Variants in CACNA1C observed in about 807,000 individuals in gnomAD.
CACNA1C encodes the protein calcium voltage-gated channel subunit alpha1 C, also known as voltage-dependent L-type calcium channel subunit alpha-1C.
In CACNA1C, 30 loss-of-function variants were observed where a neutral mutation model predicts 229.0. The observed-to-expected ratio is 0.13, with a 90% confidence interval of 0.10 to 0.18. The LOEUF is 0.18. Among genes scored for constraint, CACNA1C ranks in the 10% least tolerant of loss-of-function variants. The pLI is 1.00. For missense variants in CACNA1C, 1,658 were observed against 2,845.0 expected (o/e 0.58, Z 9.49); for synonymous variants, 1,114 against 1,132.5 (o/e 0.98, Z 0.33).
rs2076336777 is a variant in CACNA1C at position 2,608,706 on chromosome 12, G to A, written c.3552G>A (p.Lys1184=). 6.2e-7 allele frequency: 1 copy of A among 1,613,970 alleles called. No homozygotes were observed. The highest frequency in any genetic ancestry group is 8.5e-7 in the Non-Finnish European group (1 of 1,179,990). The change falls in exon 27 of 47, where the codon AAG becomes AAA. Residue 1184 remains lysine, a synonymous_variant. Transcript: ENST00000399655. This position sits in a 1 kb window ranked among gnomAD's most constrained non-coding sequence, Gnocchi z 4.2. ...AGTACAAGAACTGTGAGCTGGACAA[G>A]AACCAGGTAGCTTCCTAGGAAGGAG... The part of the protein sequence containing the change: ...EQEYKNCELD[K]NQRQCVEYAL...
intron 5 of CACNA1C, among the ~76,000 whole-genome samples, chr12:2,462,278 T>TGCGCACC: frequency 1.2e-5 from 1 of 83,718 alleles, no homozygotes; most frequent in Non-Finnish European, 2.7e-5. Flanking sequence ...GCCTGCACAC[T>TGCGCACC]TCCTCGGCAC....
At chr12:1,983,730 C>T (rs2036823156) in intron 1 of CACNA1C, among the ~76,000 whole-genome samples, 1 of 151,982 alleles carries the variant, frequency 6.6e-6, no homozygotes, top group Admixed American at 6.5e-5. Flanking sequence ...TAAATGACAG[C>T]TGTGTTTAGT....
At chr12:2,021,222 T>A (rs2046386418) in intron 1 of CACNA1C, among the ~76,000 whole-genome samples, 1 of 152,164 alleles carries the variant, frequency 6.6e-6, no homozygotes, top group Non-Finnish European at 1.5e-5. Context: ...ATCTTACAGT[T>A]GAGGAAGCTG....
At chr12:2,170,529 A>G (rs549563629) in intron 3 of CACNA1C, among the ~76,000 whole-genome samples, 66 of 152,368 alleles carry the variant, frequency 4.3e-4, no homozygotes, top group African/African-American at 1.5e-3. Flanking sequence ...ATTGACTTCA[A>G]GAAGATCAAA....
At chr12:2,327,243 T>G (rs535762832) in intron 3 of CACNA1C, among the ~76,000 whole-genome samples, 1 of 152,346 alleles carries the variant, frequency 6.6e-6, no homozygotes, top group African/African-American at 2.4e-5. Context: ...GATGCTGAAT[T>G]CCTGTTCTTC....
intron 1 of CACNA1C, among the ~76,000 whole-genome samples, chr12:2,097,363 G>A (rs895522078): frequency 3.3e-5 from 5 of 151,994 alleles, no homozygotes; most frequent in African/African-American, 7.2e-5. Flanking sequence ...AGCCAGGATA[G>A]TCTCGATCTC....
chr12:2,517,207 G>A (rs576007345), intron 9 of CACNA1C, among the ~76,000 whole-genome samples: 271 of 152,324 alleles, frequency 1.8e-3, no homozygotes, highest in Admixed American at 2.5e-3. Context: ...TGCATCTCTC[G>A]AGTCTGCATG....
At chr12:2,264,732 A>G (rs964280358) in intron 3 of CACNA1C, among the ~76,000 whole-genome samples, 2 of 152,224 alleles carry the variant, frequency 1.3e-5, no homozygotes, top group Non-Finnish European at 2.9e-5. Context: ...CTGATGAAAC[A>G]TGGACTCCCT....
chr12:2,405,625 A>T (rs1161580935), intron 3 of CACNA1C, among the ~76,000 whole-genome samples: 4 of 152,204 alleles, frequency 2.6e-5, no homozygotes, highest in Admixed American at 1.3e-4. Flanking sequence ...GTATTACATT[A>T]TATATACATA....
At chr12:2,529,173 GCC>G (rs2099835071) in intron 9 of CACNA1C, among the ~76,000 whole-genome samples, 1 of 152,190 alleles carries the variant, frequency 6.6e-6, no homozygotes, top group Non-Finnish European at 1.5e-5. Flanking sequence ...CATTAGGTTA[GCC>G]CTTGGTTTCA....
At chr12:2,001,334 C>T (rs2042156391) in intron 1 of CACNA1C, among the ~76,000 whole-genome samples, 1 of 152,022 alleles carries the variant, frequency 6.6e-6, no homozygotes, top group African/African-American at 2.4e-5. Context: ...GTATTAGTTA[C>T]CAGTCCTGGG....
upstream of CACNA1C, chr12:2,048,413 C>T: frequency 6.6e-6 from 1 of 152,112 alleles, no homozygotes; most frequent in Admixed American, 6.5e-5. Context: ...TTTGAAATGC[C>T]CACCCTTATA....
intron 3 of CACNA1C, among the ~76,000 whole-genome samples, chr12:2,269,246 A>G (rs546481788): frequency 6.6e-6 from 1 of 152,334 alleles, no homozygotes; most frequent in Admixed American, 6.5e-5. Flanking sequence ...GGAGGGAGTC[A>G]TGGGAATTAG....
At chr12:2,637,701 C>T (rs2092991466) in intron 30 of CACNA1C, among the ~76,000 whole-genome samples, 1 of 152,248 alleles carries the variant, frequency 6.6e-6, no homozygotes, top group South Asian at 2.1e-4. Flanking sequence ...CCATGGGATC[C>T]TTCAGAAAAT....
chr12:2,127,009 T>C (rs1596547011), intron 3 of CACNA1C, among the ~76,000 whole-genome samples: 1 of 152,112 alleles, frequency 6.6e-6, no homozygotes, highest in African/African-American at 2.4e-5. Flanking sequence ...CCAGCAAGAT[T>C]AGTGTCTGTG....
intron 3 of CACNA1C, among the ~76,000 whole-genome samples, chr12:2,139,535 G>A (rs2093924779): frequency 6.6e-6 from 1 of 151,252 alleles, no homozygotes; most frequent in South Asian, 2.1e-4. Flanking sequence ...AGGCCAGGCT[G>A]TTAGAGTGTT....
intron 3 of CACNA1C, among the ~76,000 whole-genome samples, chr12:2,246,037 A>T (rs116908621): frequency 6.6e-6 from 1 of 152,178 alleles, no homozygotes; most frequent in Non-Finnish European, 1.5e-5. Context: ...TGCGTGGTAC[A>T]CCCATGGTGG....
Position 2,597,700 on chromosome 12 carries a change from T to C in CACNA1C, c.2853+411T>C, listed in dbSNP as rs1023355620. On this transcript the variant is annotated intron_variant, in intron 21 of 46. Coordinates refer to ENST00000399655, the MANE Select transcript of CACNA1C (RefSeq NM_000719.7). This position sits in a 1 kb window ranked among gnomAD's most constrained non-coding sequence, Gnocchi z 4.3. The stretch of plus-strand genomic sequence containing the variant: ...CAGGAGCAGCCTACCCCACCACAGC[T>C]CCTCCCTCCAGCCACCCCTAAGCAG... 2.5e-4 allele frequency among the ~76,000 whole-genome samples: 38 copies of C among 152,148 alleles called. No homozygotes were observed. The highest frequency in any genetic ancestry group is 4.7e-4 in the Non-Finnish European group (32 of 68,012).
chr12:2,248,389 C>G (rs187581464), intron 3 of CACNA1C, among the ~76,000 whole-genome samples: 3 of 152,198 alleles, frequency 2.0e-5, no homozygotes, highest in African/African-American at 7.2e-5. Context: ...CAAGGACCCA[C>G]GGGATCATCC....
Sources: gnomAD v4.1 joint callset for allele counts (sites outside exome capture counted in the v4.1 genomes callset) on GRCh38, gnomAD v4.1.1 for gene constraint, Gnocchi (gnomAD v3.1) non-coding constraint, MANE v1.5 for transcripts, NCBI Gene and HGNC (gene_info 2026-07-23, HGNC 2026-07-21) for gene names.